The following FBXL13 variants were observed in gnomAD, a reference collection of about 807,000 sequenced individuals.
FBXL13 encodes F-box and leucine-rich repeat protein 13.
A neutral mutation model predicts 83.6 loss-of-function variants in FBXL13; 67 were observed. That is an observed-to-expected ratio of 0.80 (90% CI 0.66 to 0.98). The LOEUF is 0.98. FBXL13 is among the 50% of genes least tolerant of loss of function. The pLI, the probability that FBXL13 is intolerant of heterozygous loss-of-function variation, is 0.00. For missense variants in FBXL13, 822 were observed against 866.5 expected, an observed-to-expected ratio of 0.95 and a Z score of 0.64; for synonymous variants, 272 against 299.5, an observed-to-expected ratio of 0.91 and a Z score of 0.95.
At chr7:102,873,449 T>C (rs1301847309) in intron 16 of FBXL13, among the ~76,000 whole-genome samples, 3 of 152,236 alleles carry the variant, frequency 2.0e-5, no homozygotes, top group African/African-American at 7.2e-5. Context: ...TCTTCCTCAG[T>C]GTCTCCCAAC....
At chr7:103,001,186 C>T (rs973656076) in intron 6 of FBXL13, among the ~76,000 whole-genome samples, 1 of 151,828 alleles carries the variant, frequency 6.6e-6, no homozygotes, top group Non-Finnish European at 1.5e-5. Context: ...GTCTCAAACT[C>T]CCAGGTTCAA....
intron 18 of FBXL13, among the ~76,000 whole-genome samples, chr7:102,823,748 A>C (rs921899887): frequency 5.9e-5 from 9 of 152,238 alleles, no homozygotes; most frequent in Non-Finnish European, 7.3e-5. Flanking sequence ...CTCTTGTTTT[A>C]ACATAAAGTT....
At chr7:102,901,096 G>T (rs1377144840) in intron 11 of FBXL13, among the ~76,000 whole-genome samples, 1 of 152,208 alleles carries the variant, frequency 6.6e-6, no homozygotes, top group African/African-American at 2.4e-5. Context: ...GAGGGAGGCT[G>T]ACTTAGCTCC....
At chr7:102,908,673 T>A (rs1100045) in intron 11 of FBXL13, among the ~76,000 whole-genome samples, 151,586 of 152,378 alleles carry the variant, frequency 0.99, 75,401 homozygotes, top group East Asian at 1. Context: ...TACCACCCTG[T>A]TGGTCTGGGA....
intron 2 of FBXL13, among the ~76,000 whole-genome samples, chr7:103,035,932 C>A (rs1795021733): frequency 6.6e-6 from 1 of 152,168 alleles, no homozygotes; most frequent in Admixed American, 6.5e-5. Context: ...GGGTCTCCAA[C>A]CCCCAGGCCA....
rs1454091734 is a variant in FBXL13, at chr7:103,025,045, T to C, written c.495+18A>G. ...TTGGCAGATTATAGTATATAATGTA[T>C]ACTGAATTCATACAAACCTGTAATA... is the stretch of plus-strand genomic sequence containing the variant. On this transcript the variant is annotated intron_variant, in intron 6 of 19. Coordinates refer to ENST00000313221, the Ensembl canonical transcript of FBXL13. The C allele has an allele frequency of 2.5e-6, 4 of 1,591,440 alleles. No homozygotes were observed. The highest frequency in any genetic ancestry group is 4.5e-5 in the East Asian group (2 of 44,456).
chr7:103,022,598 T>A (rs1793335576), intron 6 of FBXL13, among the ~76,000 whole-genome samples: 1 of 152,032 alleles, frequency 6.6e-6, no homozygotes, highest in African/African-American at 2.4e-5. Flanking sequence ...CAATAAATGA[T>A]ACTGGGATAA....
At chr7:102,954,151 G>T (rs1368034683) in intron 8 of FBXL13, among the ~76,000 whole-genome samples, 1 of 152,176 alleles carries the variant, frequency 6.6e-6, no homozygotes, top group African/African-American at 2.4e-5. Context: ...GAAGCACAAG[G>T]GGTCGGGGGA....
chr7:102,942,248 G>T, intron 8 of FBXL13: 2 of 1,518,110 alleles, frequency 1.3e-6, no homozygotes, highest in South Asian at 2.5e-5. Context: ...AAGGCAAAAT[G>T]ACCTAAAGAA....
At chr7:103,072,526 G>A (rs534359003) in intron 1 of FBXL13, among the ~76,000 whole-genome samples, 2 of 152,268 alleles carry the variant, frequency 1.3e-5, no homozygotes, top group African/African-American at 2.4e-5. Context: ...GCTTTGTGAT[G>A]TTATAGTAAC....
intron 2 of FBXL13, among the ~76,000 whole-genome samples, chr7:103,054,377 A>G (rs1585580271): frequency 1.3e-5 from 2 of 149,434 alleles, no homozygotes; most frequent in Non-Finnish European, 3.0e-5. Context: ...GCAGCAGAGC[A>G]AGACTCCGTC....
At chr7:102,896,378 T>G (rs1285697896) in intron 11 of FBXL13, among the ~76,000 whole-genome samples, 1 of 152,146 alleles carries the variant, frequency 6.6e-6, no homozygotes, top group Non-Finnish European at 1.5e-5. Context: ...TAACTTGGAC[T>G]GGGGTGGTGG....
chr7:103,060,742 A>G (rs1797822615), intron 1 of FBXL13, among the ~76,000 whole-genome samples: 3 of 152,234 alleles, frequency 2.0e-5, no homozygotes. Context: ...ATTATAATAT[A>G]AAAAATAATT....
chr7:102,879,637 G>T (rs1203409104), intron 14 of FBXL13, among the ~76,000 whole-genome samples: 1 of 152,104 alleles, frequency 6.6e-6, no homozygotes, highest in East Asian at 1.9e-4. Context: ...ACAAGCTGGG[G>T]TTTCATCCCT....
At chr7:102,944,673 T>C in intron 8 of FBXL13, 1 of 1,384,858 alleles carries the variant, frequency 7.2e-7, no homozygotes, top group Non-Finnish European at 9.7e-7. Flanking sequence ...AACATATGTT[T>C]ACATTTGATT....
chr7:102,884,125 G>C, intron 12 of FBXL13, 89 bp downstream of exon 13: 1 of 935,174 alleles, frequency 1.1e-6, no homozygotes, highest in Non-Finnish European at 1.7e-6. Flanking sequence ...AAAATGAAAA[G>C]TCCATTCATA....
At chr7:103,046,056 A>G (rs186646810) in intron 2 of FBXL13, among the ~76,000 whole-genome samples, 1 of 152,346 alleles carries the variant, frequency 6.6e-6, no homozygotes, top group African/African-American at 2.4e-5. Flanking sequence ...TAATACCAAG[A>G]GTTTAGAGTA....
At chr7:103,022,352 G>A (rs1200187980) in intron 6 of FBXL13, among the ~76,000 whole-genome samples, 1 of 151,760 alleles carries the variant, frequency 6.6e-6, no homozygotes, top group Non-Finnish European at 1.5e-5. Flanking sequence ...AGGGGTGAGG[G>A]ATAGCATTAG....
At chr7:102,867,680 TA>T (rs1378305043) in intron 16 of FBXL13, among the ~76,000 whole-genome samples, 1 of 78,980 alleles carries the variant, frequency 1.3e-5, no homozygotes, top group African/African-American at 8.6e-5. Flanking sequence ...TATATATATA[TA>T]TATATATATA....
Sources: gnomAD v4.1 joint callset for allele counts (sites outside exome capture counted in the v4.1 genomes callset) on GRCh38, gnomAD v4.1.1 for gene constraint, MANE v1.5 for transcripts, NCBI Gene and HGNC (gene_info 2026-07-23, HGNC 2026-07-21) for gene names.